Variants in ACSS3 observed in about 807,000 individuals in gnomAD.
The protein encoded by ACSS3 is acyl-CoA synthetase short-chain family member 3, mitochondrial.
ACSS3 carries 64 observed loss-of-function variants against 84.2 expected under a neutral mutation model. The ratio of observed to expected loss-of-function variants is 0.76; its 90% CI spans 0.62 to 0.94. The LOEUF (loss-of-function observed/expected upper bound fraction) is 0.94. ACSS3 is among the 40% of genes least tolerant of loss of function. The pLI, the probability that ACSS3 is intolerant of heterozygous loss-of-function variation, is 0.00. For missense variants in ACSS3, 815 were observed against 867.6 expected (o/e 0.94, Z 0.76); for synonymous variants, 317 against 310.1 (o/e 1.02, Z -0.23).
At chr12:81,209,465 G>A (rs2032495685) in intron 9 of ACSS3, among the ~76,000 whole-genome samples, 1 of 151,526 alleles carries the variant, frequency 6.6e-6, no homozygotes, top group Non-Finnish European at 1.5e-5. Context: ...GTGGATCATA[G>A]GCAGAAATCA....
chr12:81,195,310 C>G (rs1325061409), intron 8 of ACSS3, among the ~76,000 whole-genome samples: 1 of 151,792 alleles, frequency 6.6e-6, no homozygotes, highest in Non-Finnish European at 1.5e-5. Context: ...AACATTATGG[C>G]CTTTATATTT....
chr12:81,195,949 T>G (rs1368882545), intron 8 of ACSS3, among the ~76,000 whole-genome samples: 1 of 152,168 alleles, frequency 6.6e-6, no homozygotes, highest in East Asian at 1.9e-4. Flanking sequence ...CAGTGGATTG[T>G]ACCATTATGT....
At chr12:81,160,955 C>T (rs1358182615) in intron 7 of ACSS3, among the ~76,000 whole-genome samples, 5 of 152,142 alleles carry the variant, frequency 3.3e-5, no homozygotes, top group Non-Finnish European at 4.4e-5. Context: ...ATTGGTTAAT[C>T]TGTGAATAAA....
At chr12:81,250,593 T>A (rs554447829) in intron 13 of ACSS3, among the ~76,000 whole-genome samples, 1 of 152,186 alleles carries the variant, frequency 6.6e-6, no homozygotes, top group South Asian at 2.1e-4. Context: ...AGTGGCAGAC[T>A]AGATGTTTTG....
intron 9 of ACSS3, among the ~76,000 whole-genome samples, chr12:81,202,782 G>A (rs1252074616): frequency 6.6e-6 from 1 of 152,190 alleles, no homozygotes; most frequent in Non-Finnish European, 1.5e-5. Flanking sequence ...TAAGGGATAT[G>A]TTAAGTAACT....
At chr12:81,235,707 T>A (rs1446304235) in intron 13 of ACSS3, among the ~76,000 whole-genome samples, 2 of 151,454 alleles carry the variant, frequency 1.3e-5, no homozygotes, top group Non-Finnish European at 3.0e-5. Flanking sequence ...TTTTGTTAAG[T>A]TTATATTTAA....
At chr12:81,252,572 T>A (rs1483708232) in intron 13 of ACSS3, among the ~76,000 whole-genome samples, 3 of 152,216 alleles carry the variant, frequency 2.0e-5, no homozygotes, top group Admixed American at 1.3e-4. Flanking sequence ...AAAAAAAATT[T>A]TGAATATGCA....
chr12:81,097,991 G>A (rs1457670020), intron 1 of ACSS3, among the ~76,000 whole-genome samples: 2 of 151,986 alleles, frequency 1.3e-5, no homozygotes, highest in Non-Finnish European at 2.9e-5. Context: ...AACAATTCTT[G>A]GGCAGCGCCA....
chr12:81,198,180 T>G (rs549965888), intron 8 of ACSS3, among the ~76,000 whole-genome samples: 1 of 152,274 alleles, frequency 6.6e-6, no homozygotes, highest in Admixed American at 6.5e-5. Context: ...ACTCCCCACC[T>G]CTGTACTTTA....
At chr12:81,188,433 A>G (rs959011820) in intron 8 of ACSS3, among the ~76,000 whole-genome samples, 5 of 152,088 alleles carry the variant, frequency 3.3e-5, no homozygotes, top group African/African-American at 1.2e-4. Context: ...TTACAAAGTG[A>G]ACATATCCAT....
rs1347873769 is a variant in ACSS3, at chr12:81,258,275, T to C, written c.*3353T>C. 1.3e-5 allele frequency: 2 copies of C among 152,164 alleles called. No homozygotes were observed. The highest frequency in any genetic ancestry group is 2.9e-5 in the Non-Finnish European group (2 of 68,010). The allele number at this position is 152,164 out of a possible 1,614,324, so 9.4% of individuals were successfully genotyped here. On this transcript the variant is annotated 3_prime_UTR_variant, in exon 16 of 16. Coordinates refer to ENST00000548058, the MANE Select transcript of ACSS3 (RefSeq NM_024560.4). ...AGCTTAAACAGAGAACTGGAATTAT[T>C]ATTTTTTTTATTGACAATGGAAAGG...
intron 11 of ACSS3, among the ~76,000 whole-genome samples, chr12:81,225,278 TTTC>T (rs1306696030): frequency 2.0e-5 from 3 of 151,988 alleles, no homozygotes; most frequent in Admixed American, 6.6e-5. Flanking sequence ...TTTATGAGTC[TTTC>T]TTTAGAGATT....
intron 9 of ACSS3, among the ~76,000 whole-genome samples, chr12:81,206,919 T>C (rs1033966762): frequency 3.1e-4 from 47 of 152,166 alleles, no homozygotes; most frequent in Admixed American, 2.2e-3. Context: ...TTCATCTTTA[T>C]AGCATTATAA....
At chr12:81,174,673 G>A (rs1376238443) in intron 7 of ACSS3, 115 bp from the exon 8 acceptor site, 1 of 1,108,428 alleles carries the variant, frequency 9.0e-7, no homozygotes, top group Non-Finnish European at 1.2e-6. Context: ...TTAAAACTAA[G>A]ATTTGTTGAA....
At chr12:81,078,023 G>A (rs2121232343), upstream of ACSS3, 1 of 1,339,580 alleles carries the variant, frequency 7.5e-7, no homozygotes, top group Non-Finnish European at 9.8e-7. Flanking sequence ...GGCTCACTTC[G>A]GAATTTGCCC....
At chr12:81,193,522 G>A (rs1350095938) in intron 8 of ACSS3, among the ~76,000 whole-genome samples, 1 of 151,702 alleles carries the variant, frequency 6.6e-6, no homozygotes, top group East Asian at 1.9e-4. Flanking sequence ...TTAGGGAAAG[G>A]TGCATAGGTC....
intron 4 of ACSS3, among the ~76,000 whole-genome samples, chr12:81,141,366 AT>A (rs1886085358): frequency 6.6e-6 from 1 of 152,176 alleles, no homozygotes; most frequent in African/African-American, 2.4e-5. Flanking sequence ...GGTGTGTCTT[AT>A]TAACCAGGAT....
chr12:81,137,363 A>ACC (rs1555250605), intron 3 of ACSS3, among the ~76,000 whole-genome samples: 28 of 142,840 alleles, frequency 2.0e-4, no homozygotes, highest in African/African-American at 5.1e-4. Context: ...ACACACACAC[A>ACC]CCCCTAATAC....
At chr12:81,195,152 G>A (rs996585877) in intron 8 of ACSS3, among the ~76,000 whole-genome samples, 6 of 151,986 alleles carry the variant, frequency 3.9e-5, no homozygotes, top group African/African-American at 1.4e-4. Flanking sequence ...ACACTGCTGG[G>A]ATCAGCCAAA....
Sources: allele counts gnomAD v4.1 joint callset (sites outside exome capture counted in the v4.1 genomes callset), GRCh38; gene constraint gnomAD v4.1.1; transcripts MANE v1.5; gene names NCBI Gene and HGNC (gene_info 2026-07-23, HGNC 2026-07-21).